Variants in ENO4 observed in about 807,000 individuals in gnomAD.
ENO4 encodes the protein 2-phospho-D-glycerate hydro-lyase.
ENO4 carries 53 observed loss-of-function variants against 63.2 expected under a neutral mutation model. That is an observed-to-expected ratio of 0.84 (90% CI 0.67 to 1.05). The LOEUF is 1.05. Ranked by LOEUF, ENO4 falls within the 50% of genes least tolerant of loss-of-function variation. The pLI is 0.00. For missense variants in ENO4, 719 were observed against 772.0 expected (o/e 0.93, Z 0.81); for synonymous variants, 266 against 283.8 (o/e 0.94, Z 0.63).
At chr10:116,908,382 G>C (rs1333590787) in intron 10 of ENO4, among the ~76,000 whole-genome samples, 1 of 151,990 alleles carries the variant, frequency 6.6e-6, no homozygotes, top group African/African-American at 2.4e-5. Context: ...TAACATTGCT[G>C]ATATGCTTCT....
intron 10 of ENO4, chr10:116,901,749 G>A: frequency 6.4e-7 from 1 of 1,570,950 alleles, no homozygotes; most frequent in Non-Finnish European, 8.6e-7. Context: ...ACTTAGTAAA[G>A]AGCATCGTTA....
chr10:116,854,469 A>T (rs569609780), intron 1 of ENO4, among the ~76,000 whole-genome samples: 4 of 151,662 alleles, frequency 2.6e-5, no homozygotes, highest in Non-Finnish European at 5.9e-5. Flanking sequence ...CTGAGGCAGG[A>T]GAATCGCTTG....
rs928661821 is a variant in ENO4 at position 116,861,082 on chromosome 10, G to A, written c.828G>A (p.Met276Ile). The part of the protein sequence containing the change: ...HNQEQPTTLS[M>I]PLLMVSLVSC... ...AGGAACAGCCAACAACGCTATCTAT[G>A]CCTTTGCTGATGGTATCGCTGGTCA... Residue 276 changes from methionine to isoleucine, a missense_variant, in exon 6 of 14, where the codon ATG becomes ATA. Around this residue, in one of 3 missense-constraint regions of ENO4, gnomAD observed 544 missense variants for 583.6 expected, o/e 0.93. Coordinates refer to ENST00000341276, the MANE Select transcript of ENO4 (RefSeq NM_001242699.2). 6.5e-7 allele frequency: 1 copy of A among 1,549,016 alleles called. No individual in the cohort carries two copies. Among genetic ancestry groups the A allele is most frequent in the Non-Finnish European group, 8.7e-7 (1 of 1,146,446 alleles).
intron 1 of ENO4, among the ~76,000 whole-genome samples, chr10:116,855,162 G>A (rs554962138): frequency 8.6e-5 from 13 of 151,872 alleles, no homozygotes; most frequent in African/African-American, 2.9e-4. Context: ...GCATGATGGC[G>A]CACGCCTGTA....
Position 116,868,720 on chromosome 10 carries a change from T to C in ENO4, c.1047+14T>C. On this transcript the variant is annotated intron_variant, in intron 8 of 13. Coordinates refer to ENST00000341276, the MANE Select transcript of ENO4 (RefSeq NM_001242699.2). Reference sequence around the variant, plus strand: ...AAAAGAGGTCAAGTAAGTCTATATATTGTTTACCATCCTTCCATATGACAC... The same window carrying C: ...AAAAGAGGTCAAGTAAGTCTATATACTGTTTACCATCCTTCCATATGACAC... 6.5e-7 allele frequency: 1 copy of C among 1,546,004 alleles called. No individual in the cohort carries two copies.
downstream of ENO4, among the ~76,000 whole-genome samples, chr10:116,887,070 T>C (rs1272022128): frequency 6.6e-6 from 1 of 152,168 alleles, no homozygotes; most frequent in Non-Finnish European, 1.5e-5. Context: ...GCATGCTGAC[T>C]GCTGCCATTA....
Position 116,899,506 on chromosome 10 carries a change from G to GGTGTGTGTGTGTGTGTGT in ENO4, c.1195-11969_1195-11952dup, listed in dbSNP as rs370396879. ...AAGGGAAGTTAGAGTGGCTGGGGCT[G>GGTGTGTGTGTGTGTGTGT]GTGTGTGTGTGTGTGTGTGTGTGTG... is the stretch of plus-strand genomic sequence containing the variant. On this transcript the variant is annotated intron_variant, in intron 10 of 10. Coordinates refer to the ENO4 transcript ENST00000369207. Among the ~76,000 whole-genome samples the GGTGTGTGTGTGTGTGTGT allele has an allele frequency of 2.9e-3, 363 of 124,554 alleles. 2 individuals carry two copies. The highest frequency in any genetic ancestry group is 1.0e-2 in the African/African-American group (340 of 34,160). 81.7% of individuals were successfully genotyped at this position (124,554 alleles called of 152,430 possible). A position where few individuals can be genotyped will look rare whatever the true frequency, so the allele number is the denominator to read the frequency against.
chr10:116,862,886 G>T, intron 7 of ENO4, 34 bp downstream of exon 7: 1 of 1,321,594 alleles, frequency 7.6e-7, no homozygotes, highest in South Asian at 1.3e-5. Context: ...TCTAGTTACT[G>T]ACACTTAGAC....
intron 9 of ENO4, among the ~76,000 whole-genome samples, chr10:116,872,585 T>C (rs1184838265): frequency 6.6e-6 from 1 of 152,230 alleles, no homozygotes; most frequent in African/African-American, 2.4e-5. Flanking sequence ...TCCTCAGCCA[T>C]GTGGAACTGT....
downstream of ENO4, chr10:116,883,847 G>T (rs1847089213): frequency 5.4e-6 from 1 of 183,736 alleles, no homozygotes; most frequent in Non-Finnish European, 1.2e-5. Flanking sequence ...ACTGCTGTGG[G>T]TGAGGACTTT....
At chr10:116,907,178 G>T (rs752273159) in intron 10 of ENO4, among the ~76,000 whole-genome samples, 11 of 152,298 alleles carry the variant, frequency 7.2e-5, no homozygotes, top group South Asian at 2.1e-4. Flanking sequence ...TGAAAAATGT[G>T]TGACTGATCC....
chr10:116,850,265 C>G (rs780053761), intron 1 of ENO4: 1 of 180,636 alleles, frequency 5.5e-6, no homozygotes, highest in Non-Finnish European at 1.2e-5. Context: ...CTCCAAAATT[C>G]AGACCAAAGC....
chr10:116,903,852 C>A, intron 10 of ENO4, among the ~76,000 whole-genome samples: 1 of 152,268 alleles, frequency 6.6e-6, no homozygotes. Context: ...TACAAAAAGA[C>A]ATTTTAAAAA....
rs553466089 is a variant in ENO4, at chr10:116,895,152, A to C, written c.1194+15166A>C. 8.1e-4 allele frequency among the ~76,000 whole-genome samples: 123 copies of C among 152,352 alleles called. 1 individual carries two copies. Among genetic ancestry groups the C allele is most frequent in the Non-Finnish European group, 1.6e-3 (107 of 68,042 alleles). On this transcript the variant is annotated intron_variant, in intron 10 of 10. Coordinates refer to the ENO4 transcript ENST00000369207. ...CAACTAGATTCACAGAGAGTGATTC[A>C]CCTTTGTATTATCATATTATCATTT...
intron 10 of ENO4, among the ~76,000 whole-genome samples, chr10:116,905,701 C>T (rs907251837): frequency 2.0e-5 from 3 of 152,108 alleles, no homozygotes; most frequent in Non-Finnish European, 2.9e-5. Flanking sequence ...TAAACTGTTA[C>T]GATAGACTAC....
chr10:116,908,659 A>G lies in ENO4; in HGVS notation c.1195-2840A>G, dbSNP rs905675445. Among the ~76,000 whole-genome samples the G allele has an allele frequency of 6.6e-5, 10 of 152,354 alleles. No homozygotes were observed. In the East Asian group the frequency reaches 1.9e-3, roughly 29 times the overall value. On this transcript the variant is annotated intron_variant, in intron 10 of 10. Transcript: ENST00000369207. The stretch of plus-strand genomic sequence containing the variant: ...TAGTTTTTCTCAATGGCTTGATTTA[A>G]TTCAAGGAAAACTTATGTGTGTGTT...
downstream of ENO4, chr10:116,885,399 G>A (rs1275376388): frequency 6.6e-6 from 1 of 151,778 alleles, no homozygotes; most frequent in Non-Finnish European, 1.5e-5. Context: ...ATTCACTGTG[G>A]TAGCCTGAAA....
At chr10:116,901,661 C>T (rs1026341760) in intron 10 of ENO4, 9 of 1,355,618 alleles carry the variant, frequency 6.6e-6, no homozygotes, top group African/African-American at 4.6e-5. Flanking sequence ...AATTTACCGG[C>T]GAGCCAATCA....
intron 8 of ENO4, among the ~76,000 whole-genome samples, chr10:116,869,712 A>G (rs1000433517): frequency 1.3e-5 from 2 of 152,208 alleles, no homozygotes; most frequent in African/African-American, 4.8e-5. Flanking sequence ...GGTTCTCTGC[A>G]TGCTGGGAAA....
Sources: allele counts gnomAD v4.1 joint callset (sites outside exome capture counted in the v4.1 genomes callset), GRCh38; gene constraint gnomAD v4.1.1; regional missense constraint gnomAD v4.1.1; transcripts MANE v1.5; gene names NCBI Gene and HGNC (gene_info 2026-07-23, HGNC 2026-07-21).